RGS6: variants seen among roughly 807,000 people sequenced by gnomAD.
RGS6 encodes the protein regulator of G-protein signaling 6.
Under a neutral mutation model 78.5 loss-of-function variants are expected in RGS6, and 30 were observed. The observed-to-expected ratio is 0.38, with a 90% CI of 0.29 to 0.52. RGS6 has a LOEUF of 0.52. Ranked by LOEUF, RGS6 falls within the 20% of genes least tolerant of loss-of-function variation. The pLI, the probability that RGS6 is intolerant of heterozygous loss-of-function variation, is 0.85. For synonymous variants in RGS6, 206 were observed against 206.0 expected (o/e 1.00, Z 0.00); for missense variants, 495 against 609.7 (o/e 0.81, Z 1.98).
At chr14:72,205,953 G>A (rs961788604) in intron 2 of RGS6, among the ~76,000 whole-genome samples, 5 of 152,166 alleles carry the variant, frequency 3.3e-5, no homozygotes, top group Admixed American at 6.5e-5. Context: ...AAGCAATTTT[G>A]TACTATTTAT....
Position 72,536,071 on chromosome 14 carries a change from A to AAC in RGS6, c.1279-113_1279-112dup. ...TTGCAAGTTTTTCTAGGTACATGCA[A>AAC]ACATACCTAGGTTCCTTCATCTCCT... On this transcript the variant is annotated intron_variant, in intron 15 of 17. Coordinates refer to ENST00000553525, the MANE Select transcript of RGS6 (RefSeq NM_001204424.2). The AAC allele has an allele frequency of 8.9e-6, 7 of 786,180 alleles. No individual in the cohort carries two copies. In the South Asian group the frequency reaches 1.0e-4, roughly 12 times the overall value. The allele number at this position is 786,180 out of a possible 1,614,324, so 48.7% of individuals were successfully genotyped here. A position where few individuals can be genotyped will look rare whatever the true frequency, so the allele number is the denominator to read the frequency against.
At chr14:72,351,587 T>C (rs918929244) in intron 2 of RGS6, among the ~76,000 whole-genome samples, 7 of 152,192 alleles carry the variant, frequency 4.6e-5, no homozygotes, top group African/African-American at 1.2e-4. Context: ...TTTTCTCTCA[T>C]GTTACTCTAG....
At chr14:72,359,206 A>G (rs111821569) in intron 3 of RGS6, among the ~76,000 whole-genome samples, 10,649 of 146,940 alleles carry the variant, frequency 0.072, 1,223 homozygotes, top group African/African-American at 0.26. Context: ...CTTTATTAGC[A>G]GCATGAGAAC....
chr14:71,943,862 T>C (rs540388343), intron 1 of RGS6, among the ~76,000 whole-genome samples: 22 of 152,138 alleles, frequency 1.4e-4, no homozygotes, highest in Non-Finnish European at 2.6e-4. Flanking sequence ...GGAGGAAGGA[T>C]GGGCTAGTAT....
At chr14:72,148,941 G>A (rs1451194326) in intron 2 of RGS6, among the ~76,000 whole-genome samples, 2 of 152,180 alleles carry the variant, frequency 1.3e-5, no homozygotes, top group Admixed American at 6.5e-5. Flanking sequence ...CAACAGTTAT[G>A]GCTTAAAACA....
At chr14:71,921,847 T>A in the RGS6 span, among the ~76,000 whole-genome samples, 1 of 152,286 alleles carries the variant, frequency 6.6e-6, no homozygotes, top group South Asian at 2.1e-4. Flanking sequence ...TTTGATAGGA[T>A]GGAAGGGCCC....
chr14:72,242,993 C>T (rs991163099), intron 2 of RGS6, among the ~76,000 whole-genome samples: 69 of 151,806 alleles, frequency 4.5e-4, no homozygotes, highest in Admixed American at 2.6e-3. Context: ...GGATTACAGG[C>T]GCGCGCCACC....
chr14:72,252,146 T>C (rs538709279), intron 2 of RGS6, among the ~76,000 whole-genome samples: 59 of 152,182 alleles, frequency 3.9e-4, no homozygotes, highest in Non-Finnish European at 6.8e-4. Flanking sequence ...CCCTGGAGGG[T>C]TAAGGAATGC....
In RGS6 at chr14:72,266,500, GCCT is replaced by G. The variant is rs1257284336; in HGVS notation, c.85-85589_85-85587del. 3.3e-5 allele frequency among the ~76,000 whole-genome samples: 5 copies of G among 152,126 alleles called. No individual in the cohort carries two copies. The East Asian group carries it at 9.6e-4, about 29-fold the overall frequency. On this transcript the variant is annotated intron_variant, in intron 2 of 17. Coordinates refer to ENST00000553525, the MANE Select transcript of RGS6 (RefSeq NM_001204424.2). ...CCACCACTATTAATCTTCCACACGT[GCCT>G]CCTCCATTCTCGAATGTTCTTGAAG... is the stretch of plus-strand genomic sequence containing the variant.
chr14:72,317,841 G>A (rs1378030017), intron 2 of RGS6, among the ~76,000 whole-genome samples: 2 of 152,174 alleles, frequency 1.3e-5, no homozygotes, highest in East Asian at 3.9e-4. Flanking sequence ...AGAAAGGGGA[G>A]GTTATTAAGT....
intron 2 of RGS6, among the ~76,000 whole-genome samples, chr14:72,034,791 C>T (rs980362600): frequency 3.3e-5 from 5 of 152,002 alleles, no homozygotes; most frequent in African/African-American, 9.7e-5. Context: ...CCATCTGGTC[C>T]GGGGCTTTTC....
At chr14:72,315,585 C>T (rs1384818704) in intron 2 of RGS6, among the ~76,000 whole-genome samples, 1 of 152,134 alleles carries the variant, frequency 6.6e-6, no homozygotes, top group African/African-American at 2.4e-5. Flanking sequence ...GTTTGATACT[C>T]CTAAGTTAAT....
intron 2 of RGS6, among the ~76,000 whole-genome samples, chr14:72,282,682 C>G (rs1165921532): frequency 1.3e-5 from 2 of 152,328 alleles, no homozygotes; most frequent in East Asian, 1.9e-4. Context: ...ATGCAATTAC[C>G]TGTGAAACTA....
chr14:72,422,116 G>A (rs573310003), intron 3 of RGS6, among the ~76,000 whole-genome samples: 11 of 152,258 alleles, frequency 7.2e-5, no homozygotes, highest in African/African-American at 1.7e-4. Context: ...CCCTTTGCCT[G>A]CTGCCATCTA....
the RGS6 span, among the ~76,000 whole-genome samples, chr14:71,916,465 C>G: frequency 4.6e-5 from 7 of 152,096 alleles, no homozygotes; most frequent in African/African-American, 1.7e-4. Flanking sequence ...CCAGGTTCTT[C>G]AAGGGAAATA....
chr14:72,124,673 CT>C (rs879829405), intron 2 of RGS6, among the ~76,000 whole-genome samples: 1 of 152,150 alleles, frequency 6.6e-6, no homozygotes, highest in Non-Finnish European at 1.5e-5. Context: ...ATTATTATAG[CT>C]ATAGAAATCA....
intron 2 of RGS6, among the ~76,000 whole-genome samples, chr14:72,233,992 C>T (rs1212277005): frequency 1.3e-5 from 2 of 152,058 alleles, no homozygotes; most frequent in African/African-American, 4.8e-5. Flanking sequence ...CTGTGCTTAG[C>T]ACTGGTTAAG....
At chr14:72,243,410 G>A (rs1370286826) in intron 2 of RGS6, among the ~76,000 whole-genome samples, 1 of 151,926 alleles carries the variant, frequency 6.6e-6, no homozygotes, top group African/African-American at 2.4e-5. Context: ...GGATAATACA[G>A]TGTGAGAGAC....
the RGS6 span, among the ~76,000 whole-genome samples, chr14:71,890,738 TCA>T: frequency 6.6e-6 from 1 of 152,140 alleles, no homozygotes; most frequent in African/African-American, 2.4e-5. Flanking sequence ...ATCGCATGAG[TCA>T]CAACAGAATT....
Sources: allele counts gnomAD v4.1 joint callset (sites outside exome capture counted in the v4.1 genomes callset), GRCh38; gene constraint gnomAD v4.1.1; transcripts MANE v1.5; gene names NCBI Gene and HGNC (gene_info 2026-07-23, HGNC 2026-07-21).